SUPT3H: variants seen among roughly 807,000 people sequenced by gnomAD.
The protein encoded by SUPT3H is transcription initiation protein SPT3 homolog.
Under a neutral mutation model 44.3 loss-of-function variants are expected in SUPT3H, and 44 were observed. That is an observed-to-expected ratio of 0.99 (90% CI 0.78 to 1.28). The LOEUF (loss-of-function observed/expected upper bound fraction) is 1.28. Among genes scored for constraint, SUPT3H ranks in the 50% most tolerant of loss-of-function variants. SUPT3H has a pLI of 0.00. For missense variants in SUPT3H, 380 were observed against 387.1 expected (o/e 0.98, Z 0.15); for synonymous variants, 124 against 125.6 (o/e 0.99, Z 0.09).
At chr6:45,356,093 C>T (rs1231503716) in intron 2 of SUPT3H, among the ~76,000 whole-genome samples, 1 of 152,130 alleles carries the variant, frequency 6.6e-6, no homozygotes, top group Non-Finnish European at 1.5e-5. Flanking sequence ...ATTCTCACTC[C>T]TCTTCTCTAG....
intron 3 of SUPT3H, among the ~76,000 whole-genome samples, chr6:45,026,504 G>T (rs1471635874): frequency 3.9e-5 from 6 of 152,066 alleles, no homozygotes; most frequent in Non-Finnish European, 8.8e-5. Context: ...GCTGTGCTAT[G>T]TGTCTTATAT....
At chr6:44,941,460 C>G (rs537060570) in intron 9 of SUPT3H, among the ~76,000 whole-genome samples, 1 of 152,218 alleles carries the variant, frequency 6.6e-6, no homozygotes, top group Admixed American at 6.5e-5. Flanking sequence ...AAAATGCCAT[C>G]CCATTATTTC....
chr6:44,985,638 A>G (rs1779692091), intron 6 of SUPT3H, among the ~76,000 whole-genome samples: 1 of 152,166 alleles, frequency 6.6e-6, no homozygotes, highest in South Asian at 2.1e-4. Flanking sequence ...TCTTTCTACA[A>G]GTACCAGTAT....
At chr6:45,296,502 G>A (rs531632314) in intron 2 of SUPT3H, among the ~76,000 whole-genome samples, 1 of 152,058 alleles carries the variant, frequency 6.6e-6, no homozygotes, top group African/African-American at 2.4e-5. Context: ...ACTTTGGGAG[G>A]GCAAGGTGGG....
At chr6:44,967,756 A>G (rs1776970746) in intron 6 of SUPT3H, among the ~76,000 whole-genome samples, 1 of 152,122 alleles carries the variant, frequency 6.6e-6, no homozygotes, top group Admixed American at 6.5e-5. Context: ...TCAAACCAAG[A>G]TGAGAGTATC....
At chr6:45,295,934 C>T (rs1781114831) in intron 2 of SUPT3H, among the ~76,000 whole-genome samples, 1 of 151,940 alleles carries the variant, frequency 6.6e-6, no homozygotes, top group Non-Finnish European at 1.5e-5. Flanking sequence ...CTTTAAAGAA[C>T]TAAAAGTAGA....
At chr6:44,928,782 CTGA>C (rs1268882854) in intron 10 of SUPT3H, among the ~76,000 whole-genome samples, 5 of 147,004 alleles carry the variant, frequency 3.4e-5, no homozygotes, top group Non-Finnish European at 7.5e-5. Flanking sequence ...ACTCGGGAGG[CTGA>C]GGCAGGAGAA....
intron 2 of SUPT3H, among the ~76,000 whole-genome samples, chr6:45,285,225 G>A (rs917428265): frequency 6.6e-6 from 1 of 151,396 alleles, no homozygotes; most frequent in Non-Finnish European, 1.5e-5. Context: ...TCAACATAGT[G>A]TTGGAAGTTC....
chr6:45,047,632 AG>A (rs2153533941), intron 3 of SUPT3H, among the ~76,000 whole-genome samples: 1 of 152,278 alleles, frequency 6.6e-6, no homozygotes, highest in East Asian at 1.9e-4. Context: ...TATTCTGATA[AG>A]AATAATCTAT....
rs1023837634 is a variant in SUPT3H, at chr6:45,231,068, T to C, written c.102-125062A>G. Among the ~76,000 whole-genome samples the C allele has an allele frequency of 9.2e-5, 14 of 152,214 alleles. 1 individual carries two copies. Among genetic ancestry groups the C allele is most frequent in the Non-Finnish European group, 1.9e-4 (13 of 68,042 alleles). On this transcript the variant is annotated intron_variant, in intron 2 of 10. Coordinates refer to ENST00000371459, the MANE Select transcript of SUPT3H (RefSeq NM_003599.4). ...CCTTGTTAACTGTTGTTTAGTTGTT[T>C]TGAATATTCTTTGTTCCTTTCTTAT...
Position 45,336,281 on chromosome 6 carries a change from G to C in SUPT3H, c.101+28920C>G, listed in dbSNP as rs569636737. ...GTACTGTCACGAAAGCTTTATTCTT[G>C]ATTATGTAGTAAAGATTTAACAATA... is the stretch of plus-strand genomic sequence containing the variant. On this transcript the variant is annotated intron_variant, in intron 2 of 10. Coordinates refer to ENST00000371459, the MANE Select transcript of SUPT3H (RefSeq NM_003599.4). Among the ~76,000 whole-genome samples the C allele has an allele frequency of 4.0e-5, 6 of 151,492 alleles. No homozygotes were observed. The East Asian group carries it at 1.2e-3, about 29-fold the overall frequency.
chr6:45,023,298 T>C (rs1276452905), intron 3 of SUPT3H, among the ~76,000 whole-genome samples: 1 of 150,530 alleles, frequency 6.6e-6, no homozygotes. Flanking sequence ...GGCAAGGCTG[T>C]GGAGAAAAGG....
At chr6:45,179,317 C>G (rs1354651968) in intron 2 of SUPT3H, among the ~76,000 whole-genome samples, 2 of 152,056 alleles carry the variant, frequency 1.3e-5, no homozygotes, top group African/African-American at 2.4e-5. Flanking sequence ...GAACTGGTAC[C>G]ATTCCTTCTG....
intron 2 of SUPT3H, among the ~76,000 whole-genome samples, chr6:45,155,050 C>T (rs943851765): frequency 1.3e-5 from 2 of 152,050 alleles, no homozygotes; most frequent in African/African-American, 4.8e-5. Flanking sequence ...AAAAATGGCA[C>T]AACAAAATTA....
At chr6:44,853,014 G>C (rs898761623) in intron 10 of SUPT3H, among the ~76,000 whole-genome samples, 4 of 152,140 alleles carry the variant, frequency 2.6e-5, no homozygotes, top group Non-Finnish European at 5.9e-5. Flanking sequence ...AGTGGCTGTA[G>C]AAAGTATGTT....
At chr6:44,924,510 C>T (rs1180725725) in intron 10 of SUPT3H, among the ~76,000 whole-genome samples, 5 of 151,790 alleles carry the variant, frequency 3.3e-5, no homozygotes. Flanking sequence ...AATAAAACCA[C>T]TGAAAGAGTT....
intron 3 of SUPT3H, among the ~76,000 whole-genome samples, chr6:45,093,094 C>T (rs1022175118): frequency 7.3e-5 from 11 of 151,656 alleles, no homozygotes; most frequent in Admixed American, 3.3e-4. Flanking sequence ...AATAAAACAT[C>T]GCAATGGATG....
intron 10 of SUPT3H, among the ~76,000 whole-genome samples, chr6:44,857,413 G>T (rs560448709): frequency 6.6e-6 from 1 of 152,008 alleles, no homozygotes; most frequent in African/African-American, 2.4e-5. Flanking sequence ...TGCTACAATC[G>T]TTTGCTTTAA....
chr6:45,011,844 A>G (rs1442595853), intron 5 of SUPT3H, among the ~76,000 whole-genome samples: 1 of 151,928 alleles, frequency 6.6e-6, no homozygotes, highest in African/African-American at 2.4e-5. Flanking sequence ...TAGCCTTAAA[A>G]ACTTTTCTTA....
Sources: gnomAD v4.1 joint callset for allele counts (sites outside exome capture counted in the v4.1 genomes callset) on GRCh38, gnomAD v4.1.1 for gene constraint, MANE v1.5 for transcripts, NCBI Gene and HGNC (gene_info 2026-07-23, HGNC 2026-07-21) for gene names.